Variants in MYO3A observed in about 807,000 individuals in gnomAD.
MYO3A encodes the protein myosin IIIA, also known as myosin-IIIa.
A neutral mutation model predicts 192.7 loss-of-function variants in MYO3A; 180 were observed. The observed-to-expected ratio is 0.93, with a 90% CI of 0.83 to 1.06. The LOEUF (loss-of-function observed/expected upper bound fraction) is 1.06. Among genes scored for constraint, MYO3A ranks in the 50% least tolerant of loss-of-function variants. The pLI, the probability that MYO3A is intolerant of heterozygous loss-of-function variation, is 0.00. For missense variants in MYO3A, 1,896 were observed against 1,905.0 expected, an observed-to-expected ratio of 1.00 and a Z score of 0.09; for synonymous variants, 628 against 645.3, an observed-to-expected ratio of 0.97 and a Z score of 0.41.
At chr10:25,954,256 T>G (rs186913808) in intron 3 of MYO3A, among the ~76,000 whole-genome samples, 75 of 152,248 alleles carry the variant, frequency 4.9e-4, no homozygotes, top group African/African-American at 1.8e-3. Flanking sequence ...GTATGAATTG[T>G]TTCATATATA....
intron 2 of MYO3A, among the ~76,000 whole-genome samples, chr10:25,946,652 G>T (rs1166181711): frequency 3.3e-5 from 5 of 151,352 alleles, no homozygotes. Flanking sequence ...GGCCGAGGCG[G>T]GTGGATCACG....
intron 2 of MYO3A, among the ~76,000 whole-genome samples, chr10:25,950,514 G>C (rs1253178173): frequency 6.6e-6 from 1 of 152,132 alleles, no homozygotes; most frequent in Non-Finnish European, 1.5e-5. Context: ...GTGTTATCCT[G>C]AATTTTAAGT....
chr10:26,148,472 T>G (rs1235479054), intron 23 of MYO3A, among the ~76,000 whole-genome samples: 1 of 152,218 alleles, frequency 6.6e-6, no homozygotes, highest in African/African-American at 2.4e-5. Context: ...CTTGTTTAGG[T>G]AATTATAATT....
chr10:25,977,881 C>A (rs1839055197), intron 4 of MYO3A, among the ~76,000 whole-genome samples: 1 of 152,116 alleles, frequency 6.6e-6, no homozygotes, highest in African/African-American at 2.4e-5. Flanking sequence ...GTATCACATA[C>A]AAGAGTCTCA....
intron 31 of MYO3A, among the ~76,000 whole-genome samples, chr10:26,184,147 A>G (rs1035292046): frequency 3.3e-5 from 5 of 152,248 alleles, no homozygotes; most frequent in Admixed American, 3.3e-4. Context: ...TGTCCTGTCC[A>G]TAAGCTCAGA....
intron 15 of MYO3A, 124 bp downstream of exon 15, chr10:26,088,529 C>A: frequency 1.1e-6 from 1 of 904,954 alleles, no homozygotes; most frequent in Non-Finnish European, 1.7e-6. Context: ...AAAGCACTTA[C>A]TATTGAGAAT....
chr10:26,038,136 A>T (rs1469237895), intron 10 of MYO3A, among the ~76,000 whole-genome samples: 1 of 152,156 alleles, frequency 6.6e-6, no homozygotes, highest in African/African-American at 2.4e-5. Context: ...AAGTAATGTG[A>T]TTCCACCAGT....
chr10:26,190,947 T>C (rs1035970070), intron 31 of MYO3A, among the ~76,000 whole-genome samples: 14 of 152,220 alleles, frequency 9.2e-5, no homozygotes, highest in South Asian at 2.1e-4. Flanking sequence ...TTTTTCACTC[T>C]CTTGGCAATT....
At chr10:26,014,683 C>T (rs1207586305) in intron 6 of MYO3A, among the ~76,000 whole-genome samples, 1 of 152,070 alleles carries the variant, frequency 6.6e-6, no homozygotes, top group Non-Finnish European at 1.5e-5. Flanking sequence ...ATCACAGTGT[C>T]TTAACCTCAT....
intron 34 of MYO3A, 21 bp downstream of exon 34, chr10:26,203,128 G>T (rs199518557): frequency 2.5e-4 from 404 of 1,610,958 alleles, no homozygotes; most frequent in Non-Finnish European, 2.6e-4. Context: ...AAACTTTAAA[G>T]TACATCATTT....
intron 20 of MYO3A, among the ~76,000 whole-genome samples, chr10:26,135,364 AATT>A (rs1175564920): frequency 1.3e-5 from 2 of 151,664 alleles, no homozygotes; most frequent in Admixed American, 6.6e-5. Flanking sequence ...CATAAATATA[AATT>A]ATTATTTAAT....
At chr10:26,149,201 T>TG in intron 23 of MYO3A, among the ~76,000 whole-genome samples, 1 of 152,040 alleles carries the variant, frequency 6.6e-6, no homozygotes, top group East Asian at 1.9e-4. Context: ...AATGGTTTTT[T>TG]TTGTTGTTGG....
At chr10:26,002,888 T>A (rs1840936340) in intron 6 of MYO3A, among the ~76,000 whole-genome samples, 1 of 152,156 alleles carries the variant, frequency 6.6e-6, no homozygotes, top group South Asian at 2.1e-4. Context: ...AGCCAACCAG[T>A]TGTCAGACTT....
rs1230135972 is a variant in MYO3A at position 25,972,024 on chromosome 10, C to CTTCT, written c.303+17017_303+17020dup. ...TTGAGTTCATTGAGCTACCTGAATG[C>CTTCT]TTCTCATTAAATTTGAAAATTATCA... On this transcript the variant is annotated intron_variant, in intron 4 of 34. Coordinates refer to ENST00000642920, the MANE Select transcript of MYO3A (RefSeq NM_017433.5). Among the ~76,000 whole-genome samples, 3 of 152,076 alleles carry CTTCT rather than the reference C, an allele frequency of 2.0e-5. No individual in the cohort carries two copies. The East Asian group carries it at 5.8e-4, about 29-fold the overall frequency.
chr10:26,141,119 G>T (rs1840138985), intron 20 of MYO3A, among the ~76,000 whole-genome samples: 1 of 152,034 alleles, frequency 6.6e-6, no homozygotes, highest in Non-Finnish European at 1.5e-5. Flanking sequence ...AGTAGAGATG[G>T]GGTTTCACTG....
At position 26,026,473 on chromosome 10, in the gene MYO3A, A is replaced by G. The variant is rs1291351534; in HGVS notation, c.894A>G (p.Gln298=). The G allele has an allele frequency of 1.9e-6, 3 of 1,614,196 alleles. No individual in the cohort carries two copies. Among genetic ancestry groups the G allele is most frequent in the South Asian group, 1.1e-5 (1 of 91,084 alleles). ...TQIEGKDVML[Q]KQLTEFIGIH... ...TTGAGGGCAAAGATGTGATGCTACAAAAACAACTAACGGAATTCATTGGCA... is the reference window on the plus strand; with the variant it reads ...TTGAGGGCAAAGATGTGATGCTACAGAAACAACTAACGGAATTCATTGGCA... Residue 298 remains glutamine (Q), a synonymous_variant, in exon 10 of 35, where the codon CAA becomes CAG. Transcript: ENST00000642920.
chr10:26,034,944 T>C (rs977025205), intron 10 of MYO3A, among the ~76,000 whole-genome samples: 18 of 151,844 alleles, frequency 1.2e-4, no homozygotes, highest in South Asian at 6.2e-4. Context: ...TGTGTGTGTG[T>C]GCGCACACAT....
chr10:25,975,165 G>A (rs1199326152), intron 4 of MYO3A, among the ~76,000 whole-genome samples: 1 of 152,166 alleles, frequency 6.6e-6, no homozygotes, highest in East Asian at 1.9e-4. Flanking sequence ...TTTGCTTTGG[G>A]ATGGAGATGT....
chr10:25,949,036 C>T (rs766890288), intron 2 of MYO3A, among the ~76,000 whole-genome samples: 1 of 152,012 alleles, frequency 6.6e-6, no homozygotes, highest in Non-Finnish European at 1.5e-5. Context: ...TTTTCCTGAC[C>T]ACTTCAGAAT....
Sources: allele counts gnomAD v4.1 joint callset (sites outside exome capture counted in the v4.1 genomes callset), GRCh38; gene constraint gnomAD v4.1.1; transcripts MANE v1.5; gene names NCBI Gene and HGNC (gene_info 2026-07-23, HGNC 2026-07-21).